Variants in TUBB observed in about 807,000 individuals in gnomAD.
The protein encoded by TUBB is tubulin beta class I, also known as tubulin beta chain.
Under a neutral mutation model 35.1 loss-of-function variants are expected in TUBB, and 2 were observed. That is an observed-to-expected ratio of 0.06 (90% CI 0.02 to 0.18). The LOEUF (loss-of-function observed/expected upper bound fraction) is 0.18, where lower values mean the gene tolerates loss of function less well. TUBB is among the 10% of genes least tolerant of loss of function. TUBB has a pLI of 1.00. For missense variants in TUBB, 50 were observed against 599.4 expected (o/e 0.08, Z 9.57); for synonymous variants, 205 against 223.8 (o/e 0.92, Z 0.75).
chr6:30,721,350 G>T (rs1776217296), intron 1 of TUBB, among the ~76,000 whole-genome samples: 1 of 150,170 alleles, frequency 6.7e-6, no homozygotes, highest in Non-Finnish European at 1.5e-5. Context: ...TTTTTTGCGC[G>T]CGGTTACAGT....
Position 30,720,368 on chromosome 6 carries a change from G to GC in TUBB, c.-137dup. On this transcript the variant is annotated 5_prime_UTR_variant, in exon 1 of 4. Transcript: ENST00000327892. ...CCTTTCTCCCTCTCAGAACCTTCCT[G>GC]CCGTCGCGTTTGCACCTCGCTGCTC... 1.2e-6 allele frequency: 1 copy of GC among 800,492 alleles called. No individual in the cohort carries two copies. Among genetic ancestry groups the GC allele is most frequent in the Non-Finnish European group, 2.2e-6 (1 of 462,374 alleles). 49.6% of individuals were successfully genotyped at this position (800,492 alleles called of 1,614,324 possible). A position where few individuals can be genotyped will look rare whatever the true frequency, so the allele number is the denominator to read the frequency against.
At chr6:30,721,583 C>A (rs879892157) in intron 1 of TUBB, 46 of 985,176 alleles carry the variant, frequency 4.7e-5, no homozygotes, top group Non-Finnish European at 5.4e-5. Context: ...GCGCGTGCGC[C>A]GCAGTCACGT....
chr6:30,721,370 G>A (rs1035688538), intron 1 of TUBB, among the ~76,000 whole-genome samples: 3 of 151,364 alleles, frequency 2.0e-5, no homozygotes, highest in Admixed American at 6.6e-5. Context: ...TGTAGCGGGG[G>A]AGGGGCGGGA....
At chr6:30,722,884 C>T in intron 2 of TUBB, 34 bp from the exon 3 acceptor site, 1 of 1,558,362 alleles carries the variant, frequency 6.4e-7, no homozygotes. Context: ...TCCCTTCTGC[C>T]AGATTTCACA....
chr6:30,721,195 C>T (rs1294522315), intron 1 of TUBB, among the ~76,000 whole-genome samples: 1 of 152,146 alleles, frequency 6.6e-6, no homozygotes, highest in African/African-American at 2.4e-5. Flanking sequence ...TTTTTTAGGG[C>T]GTGAACAGAT....
intron 1 of TUBB, chr6:30,721,639 G>C (rs1776269982): frequency 2.0e-6 from 2 of 985,336 alleles, no homozygotes; most frequent in South Asian, 9.4e-5. Context: ...TCTTTCCTCA[G>C]ACCCCCAGCC....
At position 30,723,512 on chromosome 6, in the gene TUBB, C is replaced by A. The variant is rs1776431632; in HGVS notation, c.450C>A (p.Leu150=). 6.2e-7 allele frequency: 1 copy of A among 1,614,198 alleles called. No individual in the cohort carries two copies. Among genetic ancestry groups the A allele is most frequent in the Non-Finnish European group, 8.5e-7 (1 of 1,180,034 alleles). ...GCACAGGCTCTGGAATGGGCACTCT[C>A]CTTATCAGCAAGATCCGAGAAGAAT... The part of the protein sequence containing the change: ...GGGTGSGMGT[L]LISKIREEYP... The change falls in exon 4 of 4, where the codon CTC becomes CTA. Residue 150 remains leucine (L), a synonymous_variant. Coordinates refer to ENST00000327892, the MANE Select transcript of TUBB (RefSeq NM_178014.4).
At chr6:30,721,387 G>C (rs1408423464) in intron 1 of TUBB, among the ~76,000 whole-genome samples, 5 of 150,986 alleles carry the variant, frequency 3.3e-5, no homozygotes, top group African/African-American at 1.2e-4. Context: ...GGGAGGAAGT[G>C]CGGCTGCTAC....
intron 1 of TUBB, chr6:30,721,777 A>G: frequency 1.0e-6 from 1 of 984,594 alleles, no homozygotes; most frequent in Non-Finnish European, 1.2e-6. Flanking sequence ...GAGCAGGGAA[A>G]GCTGTGGCTT....
intron 3 of TUBB, 154 bp from the exon 4 acceptor site, chr6:30,723,186 T>C: frequency 1.1e-6 from 1 of 897,734 alleles, no homozygotes; most frequent in Non-Finnish European, 1.7e-6. Context: ...GTGCCTACTA[T>C]TGCTGGTAAA....
chr6:30,721,374 G>GGCGGGAGGAAGT (rs1279384091), intron 1 of TUBB, among the ~76,000 whole-genome samples: 2 of 151,618 alleles, frequency 1.3e-5, no homozygotes, highest in Non-Finnish European at 2.9e-5. Context: ...GCGGGGGAGG[G>GGCGGGAGGAAGT]GCGGGAGGAA....
At chr6:30,721,461 T>G (rs929605217) in intron 1 of TUBB, 28 of 775,614 alleles carry the variant, frequency 3.6e-5, no homozygotes, top group Non-Finnish European at 4.4e-5. Context: ...GCGGGGACAA[T>G]GCGGCGTTGC....
chr6:30,724,382 C>G lies in TUBB; in HGVS notation c.1320C>G (p.Ala440=). ...AEEEEDFGEE[A]EEEA ...AGGAGGAGGATTTCGGTGAGGAGGC[C>G]GAAGAGGAGGCCTAAGGCAGAGCCC... is the stretch of plus-strand genomic sequence containing the variant. The change falls in exon 4 of 4, where the codon GCC becomes GCG. Residue 440 remains alanine, a synonymous_variant. Transcript: ENST00000327892. This position sits in a 1 kb window ranked among gnomAD's most constrained non-coding sequence, Gnocchi z 4.4. 1 of 1,611,248 alleles carries G rather than the reference C, an allele frequency of 6.2e-7. No homozygotes were observed. The highest frequency in any genetic ancestry group is 8.5e-7 in the Non-Finnish European group (1 of 1,179,204).
At chr6:30,721,601 G>C (rs924792932) in intron 1 of TUBB, 8 of 973,980 alleles carry the variant, frequency 8.2e-6, no homozygotes, top group East Asian at 1.1e-4. Flanking sequence ...CGTGGAGGGC[G>C]GGGGGGGTGG....
chr6:30,721,627 G>C, intron 1 of TUBB: 1 of 985,454 alleles, frequency 1.0e-6, no homozygotes, highest in African/African-American at 1.7e-5. Flanking sequence ...TGCGGCGGCA[G>C]CTCTTTCCTC....
chr6:30,724,747 C>T lies in TUBB; in HGVS notation c.*350C>T, dbSNP rs568090639. ...TAGAACCAACCAGGTGCTGAAAACA[C>T]ATGTAGATAATGGCCATCATCCTAA... On this transcript the variant is annotated 3_prime_UTR_variant, in exon 4 of 4. Coordinates refer to ENST00000327892, the MANE Select transcript of TUBB (RefSeq NM_178014.4). The surrounding 1 kb of genome is among the most constrained non-coding windows in gnomAD (Gnocchi z 4.4). 2.8e-4 allele frequency: 82 copies of T among 298,022 alleles called. No homozygotes were observed. Among genetic ancestry groups the T allele is most frequent in the Admixed American group, 4.1e-4 (9 of 21,836 alleles). The allele number at this position is 298,022 out of a possible 1,614,324, so 18.5% of individuals were successfully genotyped here.
rs1313672573 is a variant in TUBB at position 30,725,163 on chromosome 6, AAG to A, written c.*768_*769del. On this transcript the variant is annotated 3_prime_UTR_variant, in exon 4 of 4. Transcript: ENST00000327892. ...TCCCCACCTTTTCTTACTCCCAAAA[AAG>A]AATGAACACCCCTGACTCTGGAGTG... The A allele has an allele frequency of 1.3e-5, 2 of 152,282 alleles. No individual in the cohort carries two copies. Among genetic ancestry groups the A allele is most frequent in the Non-Finnish European group, 2.9e-5 (2 of 68,100 alleles). The allele number at this position is 152,282 out of a possible 1,614,324, so 9.4% of individuals were successfully genotyped here.
intron 1 of TUBB, chr6:30,721,676 G>C (rs968967277): frequency 2.0e-6 from 2 of 985,342 alleles, no homozygotes; most frequent in African/African-American, 3.5e-5. Flanking sequence ...GTGGGGCGGT[G>C]CCCAGCTTGG....
intron 2 of TUBB, 53 bp downstream of exon 2, chr6:30,722,698 C>A: frequency 6.9e-7 from 1 of 1,455,330 alleles, no homozygotes; most frequent in Non-Finnish European, 9.6e-7. Context: ...TCCCACTTAT[C>A]TGGGATCTCT....
Sources: gnomAD v4.1 joint callset for allele counts (sites outside exome capture counted in the v4.1 genomes callset) on GRCh38, gnomAD v4.1.1 for gene constraint, Gnocchi (gnomAD v3.1) non-coding constraint, MANE v1.5 for transcripts, NCBI Gene and HGNC (gene_info 2026-07-23, HGNC 2026-07-21) for gene names.